METTL6: variants seen among roughly 807,000 people sequenced by gnomAD.
The protein encoded by METTL6 is tRNA N(3)-cytidine methyltransferase METTL6.
METTL6 carries 22 observed loss-of-function variants against 26.4 expected under a neutral mutation model. The observed-to-expected ratio is 0.83, with a 90% CI of 0.59 to 1.19. The LOEUF is 1.19. Among genes scored for constraint, METTL6 ranks in the 50% most tolerant of loss-of-function variants. The pLI is 0.00. For missense variants in METTL6, 304 were observed against 324.8 expected, an observed-to-expected ratio of 0.94 and a Z score of 0.49; for synonymous variants, 109 against 116.2, an observed-to-expected ratio of 0.94 and a Z score of 0.40.
At chr3:15,405,646 C>T (rs111926996), downstream of METTL6, among the ~76,000 whole-genome samples, 3 of 152,302 alleles carry the variant, frequency 2.0e-5, no homozygotes, top group African/African-American at 7.2e-5. Flanking sequence ...ATTCAAATCC[C>T]GAGCCCTTAC....
intron 6 of METTL6, among the ~76,000 whole-genome samples, chr3:15,404,615 T>C (rs549695490): frequency 3.8e-4 from 58 of 151,890 alleles, no homozygotes; most frequent in African/African-American, 1.1e-3. Context: ...CCTCCCAAAG[T>C]GCTGGGATTA....
At chr3:15,414,365 T>A in intron 4 of METTL6, 1 of 1,301,888 alleles carries the variant, frequency 7.7e-7, no homozygotes, top group Non-Finnish European at 9.8e-7. Flanking sequence ...TTCTTTTTTT[T>A]TTTTTTTTGA....
chr3:15,414,135 A>G lies in METTL6; in HGVS notation c.559T>C (p.Phe187Leu). Residue 187 changes from phenylalanine (F) to leucine (L), a missense_variant, in exon 5 of 6, where the codon TTT (phenylalanine) becomes CTT (leucine). Phe to Leu is a conservative substitution (Grantham distance 22). Transcript: ENST00000383790. Reference sequence around the variant, plus strand: ...TGATCATACAGTCCGTAGTCACGAAACAAGACACTTTTGCCTGGTTTTAAT... The same window carrying G: ...TGATCATACAGTCCGTAGTCACGAAGCAAGACACTTTTGCCTGGTTTTAAT... ...KVLKPGKSVL[F>L]RDYGLYDHAM... The G allele has an allele frequency of 1.2e-6, 2 of 1,613,200 alleles. No individual in the cohort carries two copies. The highest frequency in any genetic ancestry group is 1.7e-6 in the Non-Finnish European group (2 of 1,179,800).
intron 6 of METTL6, among the ~76,000 whole-genome samples, chr3:15,396,485 C>G (rs1699491574): frequency 6.6e-6 from 1 of 152,218 alleles, no homozygotes; most frequent in Admixed American, 6.5e-5. Flanking sequence ...CTTCTTCTCT[C>G]AACTCATCAA....
At chr3:15,399,392 A>C (rs1034405158) in intron 6 of METTL6, 1 of 151,920 alleles carries the variant, frequency 6.6e-6, no homozygotes, top group Non-Finnish European at 1.5e-5. Flanking sequence ...CTTTACCTGA[A>C]TTCTTTCTTA....
chr3:15,392,412 G>A (rs1418959373), intron 6 of METTL6, among the ~76,000 whole-genome samples: 1 of 152,068 alleles, frequency 6.6e-6, no homozygotes, highest in Non-Finnish European at 1.5e-5. Flanking sequence ...TGTCAGATGA[G>A]TAGGTTGCAA....
chr3:15,394,656 C>A (rs1402270064), intron 6 of METTL6, among the ~76,000 whole-genome samples: 1 of 152,174 alleles, frequency 6.6e-6, no homozygotes, highest in African/African-American at 2.4e-5. Flanking sequence ...TTTCCCTGTA[C>A]ACACTGCTTT....
downstream of METTL6, among the ~76,000 whole-genome samples, chr3:15,405,421 T>C (rs1271754292): frequency 6.6e-6 from 1 of 152,236 alleles, no homozygotes; most frequent in Non-Finnish European, 1.5e-5. Context: ...ACATTTGTAA[T>C]AAATATTTTC....
At chr3:15,398,728 T>C (rs1027067864) in intron 6 of METTL6, among the ~76,000 whole-genome samples, 1 of 152,164 alleles carries the variant, frequency 6.6e-6, no homozygotes, top group Non-Finnish European at 1.5e-5. Context: ...CATGTACCTG[T>C]AGTCCTAGCT....
Position 15,426,582 on chromosome 3 carries a change from AT to A in METTL6, c.-72del. 1.5e-6 allele frequency: 2 copies of A among 1,350,948 alleles called. No homozygotes were observed. Among genetic ancestry groups the A allele is most frequent in the Non-Finnish European group, 2.1e-6 (2 of 962,106 alleles). 83.7% of individuals were successfully genotyped at this position (1,350,948 alleles called of 1,614,324 possible). A position where few individuals can be genotyped will look rare whatever the true frequency, so the allele number is the denominator to read the frequency against. On this transcript the variant is annotated 5_prime_UTR_variant, in exon 2 of 6. It removes the in-frame stop codon of an upstream open reading frame in the 5' UTR. Transcript: ENST00000383790. ...CACCAAATAATATGAATCCACGCTAATGGATCAGATACATTTCCTGAGGTGA... is the reference window on the plus strand; with the variant it reads ...CACCAAATAATATGAATCCACGCTAAGGATCAGATACATTTCCTGAGGTGA...
chr3:15,424,341 A>C (rs781332922), intron 3 of METTL6, among the ~76,000 whole-genome samples: 2 of 152,206 alleles, frequency 1.3e-5, no homozygotes, highest in Non-Finnish European at 2.9e-5. Context: ...ATCTTGGCTC[A>C]CTGCAACCTC....
chr3:15,397,739 G>A lies in METTL6; in HGVS notation c.*11+13506C>T, dbSNP rs1196834715. Among the ~76,000 whole-genome samples the A allele has an allele frequency of 2.0e-5, 3 of 152,134 alleles. No homozygotes were observed. In the East Asian group the frequency reaches 5.8e-4, roughly 29 times the overall value. ...TTGTAAAGCTAATTAGAGACCACTGGGCTAGGGGGCAGAGAGGAGCCTGAA... is the reference window on the plus strand; with the variant it reads ...TTGTAAAGCTAATTAGAGACCACTGAGCTAGGGGGCAGAGAGGAGCCTGAA... On this transcript the variant is annotated intron_variant, in intron 6 of 6. Coordinates refer to the METTL6 transcript ENST00000443029.
chr3:15,415,460 C>G, intron 4 of METTL6: 1 of 1,549,326 alleles, frequency 6.5e-7, no homozygotes, highest in Non-Finnish European at 8.7e-7. Flanking sequence ...CCTGGCCAAA[C>G]TGTGTACTCT....
At chr3:15,409,328 T>C (rs1416918928), downstream of METTL6, among the ~76,000 whole-genome samples, 2 of 152,164 alleles carry the variant, frequency 1.3e-5, no homozygotes, top group Non-Finnish European at 2.9e-5. Flanking sequence ...CACAAACAGC[T>C]TTCTGCAGAA....
At chr3:15,419,993 C>G (rs1449176303) in intron 3 of METTL6, among the ~76,000 whole-genome samples, 2 of 151,790 alleles carry the variant, frequency 1.3e-5, no homozygotes, top group African/African-American at 2.4e-5. Context: ...TCCCGAGTAG[C>G]TGGGACTACA....
At chr3:15,413,926 G>T (rs116028124) in intron 5 of METTL6, 95 bp downstream of exon 5, 1 of 1,587,692 alleles carries the variant, frequency 6.3e-7, no homozygotes, top group South Asian at 1.1e-5. Flanking sequence ...TGCACATGTC[G>T]CAAGCCTTCT....
At chr3:15,405,238 G>A (rs144321588), downstream of METTL6, among the ~76,000 whole-genome samples, 300 of 152,326 alleles carry the variant, frequency 2.0e-3, 1 homozygote, top group African/African-American at 6.6e-3. Flanking sequence ...GGGCCTTGCA[G>A]ACGCCTTTCG....
In METTL6 at chr3:15,426,585, GA is replaced by G. The variant is rs1262078140; in HGVS notation, c.-75del. On this transcript the variant is annotated 5_prime_UTR_variant, in exon 2 of 6. The change abolishes the stop of an existing upstream ORF in the 5' untranslated region. Coordinates refer to ENST00000383790, the MANE Select transcript of METTL6 (RefSeq NM_152396.4). ...CAAATAATATGAATCCACGCTAATG[GA>G]TCAGATACATTTCCTGAGGTGAGTT... 4.4e-6 allele frequency: 6 copies of G among 1,349,414 alleles called. No homozygotes were observed. Among genetic ancestry groups the G allele is most frequent in the Non-Finnish European group, 5.2e-6 (5 of 964,212 alleles). The allele number at this position is 1,349,414 out of a possible 1,614,324, so 83.6% of individuals were successfully genotyped here.
chr3:15,419,265 A>C (rs1304180624), intron 3 of METTL6, among the ~76,000 whole-genome samples: 3 of 152,248 alleles, frequency 2.0e-5, no homozygotes, highest in African/African-American at 7.2e-5. Flanking sequence ...AATATCTAGA[A>C]TATATCCTGA....
Sources: allele counts gnomAD v4.1 joint callset (sites outside exome capture counted in the v4.1 genomes callset), GRCh38; gene constraint gnomAD v4.1.1; transcripts MANE v1.5; gene names NCBI Gene and HGNC (gene_info 2026-07-23, HGNC 2026-07-21).